NPM1: variants seen among roughly 807,000 people sequenced by gnomAD.
The protein encoded by NPM1 is nucleophosmin.
A neutral mutation model predicts 44.1 loss-of-function variants in NPM1; 1 was observed. The observed-to-expected ratio is 0.02, with a 90% CI of 0.01 to 0.11. NPM1 has a LOEUF of 0.11. NPM1 is among the 10% of genes least tolerant of loss of function. The pLI is 1.00. For missense variants in NPM1, 197 were observed against 347.8 expected (o/e 0.57, Z 3.45); for synonymous variants, 126 against 111.8 (o/e 1.13, Z -0.80).
intron 4 of NPM1, 79 bp from the exon 5 acceptor site, chr5:171,392,631 A>T: frequency 2.7e-6 from 2 of 741,170 alleles, no homozygotes; most frequent in Non-Finnish European, 4.2e-6. Flanking sequence ...CAGTTTTTAG[A>T]GTATTTACTA....
chr5:171,402,134 T>C (rs1015431532), intron 8 of NPM1, among the ~76,000 whole-genome samples: 2 of 149,726 alleles, frequency 1.3e-5, no homozygotes, highest in Non-Finnish European at 3.0e-5. Context: ...ACACATATAA[T>C]CTATTGACTA....
chr5:171,387,877 GGTT>G lies in NPM1; in HGVS notation c.-68_-66del. The stretch of plus-strand genomic sequence containing the variant: ...TCCCTGGTGTGATTCCGTCCTGCGC[GGTT>G]GTTCTCTGGAGCAGCGTTCTTTTAT... On this transcript the variant is annotated 5_prime_UTR_variant, in exon 1 of 11. Coordinates refer to ENST00000296930, the MANE Select transcript of NPM1 (RefSeq NM_002520.7). The G allele has an allele frequency of 2.9e-6, 4 of 1,395,608 alleles. No individual in the cohort carries two copies. The highest frequency in any genetic ancestry group is 2.3e-5 in the South Asian group (2 of 86,082). 86.5% of individuals were successfully genotyped at this position (1,395,608 alleles called of 1,614,324 possible). A position where few individuals can be genotyped will look rare whatever the true frequency, so the allele number is the denominator to read the frequency against.
At chr5:171,394,962 TGA>T (rs1770804922) in intron 6 of NPM1, among the ~76,000 whole-genome samples, 1 of 152,052 alleles carries the variant, frequency 6.6e-6, no homozygotes, top group Admixed American at 6.6e-5. Flanking sequence ...GTGGATCACT[TGA>T]GGTCAGGAGT....
chr5:171,396,068 C>T (rs977097351), intron 6 of NPM1, among the ~76,000 whole-genome samples: 10 of 151,632 alleles, frequency 6.6e-5, no homozygotes, highest in Non-Finnish European at 1.3e-4. Context: ...TAACTTCTGC[C>T]TCCCGGGTTC....
At chr5:171,388,706 C>T (rs919469233) in intron 1 of NPM1, among the ~76,000 whole-genome samples, 5 of 152,212 alleles carry the variant, frequency 3.3e-5, no homozygotes, top group Non-Finnish European at 7.3e-5. Context: ...AGGCTGGTAG[C>T]ACTAGGGTTC....
chr5:171,389,360 T>G (rs1770450182), intron 1 of NPM1, among the ~76,000 whole-genome samples: 1 of 152,270 alleles, frequency 6.6e-6, no homozygotes, highest in Admixed American at 6.5e-5. Flanking sequence ...GACAGTGTTT[T>G]GAAGAATTTT....
intron 6 of NPM1, among the ~76,000 whole-genome samples, chr5:171,395,525 C>G (rs1019864784): frequency 2.6e-5 from 4 of 152,154 alleles, no homozygotes; most frequent in Non-Finnish European, 5.9e-5. Context: ...GTCTCGAACT[C>G]CAAAGTGCTG....
At chr5:171,407,829 T>C (rs1771651555) in intron 10 of NPM1, 55 bp downstream of exon 10, 2 of 1,078,544 alleles carry the variant, frequency 1.9e-6, no homozygotes, top group Non-Finnish European at 2.9e-6. Flanking sequence ...TGATTTATTA[T>C]GATTCTGCCT....
chr5:171,405,272 T>A (rs200911998), intron 8 of NPM1, 30 bp from the exon 9 acceptor site: 1 of 1,078,248 alleles, frequency 9.3e-7, no homozygotes, highest in East Asian at 2.4e-5. Context: ...TTTATTCTTA[T>A]GACCTTTTGG....
intron 7 of NPM1, 121 bp from the exon 8 acceptor site, chr5:171,400,718 T>G (rs540839091): frequency 1.6e-6 from 1 of 642,606 alleles, no homozygotes; most frequent in African/African-American, 1.8e-5. Context: ...AGTCCTGGGA[T>G]TACAGGCATG....
intron 1 of NPM1, among the ~76,000 whole-genome samples, chr5:171,389,055 C>T (rs1294230434): frequency 6.6e-6 from 1 of 152,206 alleles, no homozygotes; most frequent in Non-Finnish European, 1.5e-5. Context: ...TGAGTCAGAT[C>T]AAGACCTAAG....
rs1159567999 is a variant in NPM1 at position 171,387,876 on chromosome 5, C to T, written c.-73C>T. The T allele has an allele frequency of 2.6e-5, 36 of 1,379,986 alleles. No homozygotes were observed. Among genetic ancestry groups the T allele is most frequent in the Middle Eastern group, 2.5e-4 (1 of 4,020 alleles). 85.5% of individuals were successfully genotyped at this position (1,379,986 alleles called of 1,614,324 possible). On this transcript the variant is annotated 5_prime_UTR_variant, in exon 1 of 11. Transcript: ENST00000296930. ...TTCCCTGGTGTGATTCCGTCCTGCG[C>T]GGTTGTTCTCTGGAGCAGCGTTCTT... is the stretch of plus-strand genomic sequence containing the variant.
At chr5:171,392,664 C>A in intron 4 of NPM1, 46 bp from the exon 5 acceptor site, 2 of 1,231,418 alleles carry the variant, frequency 1.6e-6, no homozygotes, top group Non-Finnish European at 2.3e-6. Flanking sequence ...TTTTTTCTGA[C>A]TTCTTGCTGC....
chr5:171,393,186 C>T (rs562061979), intron 6 of NPM1, among the ~76,000 whole-genome samples: 105 of 152,300 alleles, frequency 6.9e-4, no homozygotes, highest in African/African-American at 2.4e-3. Flanking sequence ...TGAGCCTTTA[C>T]AATGCTGTGA....
chr5:171,401,640 A>G (rs1320161586), intron 8 of NPM1, among the ~76,000 whole-genome samples: 2 of 151,870 alleles, frequency 1.3e-5, no homozygotes, highest in Non-Finnish European at 2.9e-5. Context: ...GTTTCACTCT[A>G]TATGTTGGCC....
chr5:171,406,490 A>G, intron 9 of NPM1: 1 of 1,601,140 alleles, frequency 6.2e-7, no homozygotes, highest in Non-Finnish European at 8.5e-7. Flanking sequence ...ACTGAGTGTC[A>G]TCAACAATCC....
At chr5:171,391,838 T>C (rs1561864792) in intron 4 of NPM1, 39 bp downstream of exon 4, 2 of 1,281,870 alleles carry the variant, frequency 1.6e-6, no homozygotes, top group Admixed American at 1.8e-5. Context: ...TAGTTTGTCC[T>C]CTTTAGTGCA....
intron 7 of NPM1, 100 bp downstream of exon 7, chr5:171,400,310 G>C: frequency 6.8e-7 from 1 of 1,468,012 alleles, no homozygotes; most frequent in African/African-American, 1.4e-5. Flanking sequence ...GCTGGTGTGG[G>C]AGATCATCTC....
rs569901780 is a variant in NPM1 at position 171,388,603 on chromosome 5, A to AG, written c.58+603dup. ...TGGTTGCCACGTGGTTGGGGGAGGG[A>AG]GGGGGGTGTGGGCGCTACATCCGGG... On this transcript the variant is annotated intron_variant, in intron 1 of 10. Coordinates refer to ENST00000296930, the MANE Select transcript of NPM1 (RefSeq NM_002520.7). 2.3e-3 allele frequency among the ~76,000 whole-genome samples: 32 copies of AG among 13,958 alleles called. No homozygotes were observed. In the East Asian group the frequency reaches 0.026, roughly 11 times the overall value. 9.2% of individuals were successfully genotyped at this position (13,958 alleles called of 152,430 possible). A position where few individuals can be genotyped will look rare whatever the true frequency, so the allele number is the denominator to read the frequency against.
Sources: gnomAD v4.1 joint callset for allele counts (sites outside exome capture counted in the v4.1 genomes callset) on GRCh38, gnomAD v4.1.1 for gene constraint, MANE v1.5 for transcripts, NCBI Gene and HGNC (gene_info 2026-07-23, HGNC 2026-07-21) for gene names.